Variants in FAM200B observed in about 807,000 individuals in gnomAD.
The protein encoded by FAM200B is protein FAM200B.
In FAM200B, 32 loss-of-function variants were observed where a neutral mutation model predicts 33.1. The ratio of observed to expected loss-of-function variants is 0.97; its 90% confidence interval spans 0.73 to 1.30. FAM200B has a LOEUF of 1.30. Ranked by LOEUF, FAM200B falls within the 50% of genes most tolerant of loss-of-function variation. The pLI is 0.00. For missense variants in FAM200B, 741 were observed against 754.0 expected, an observed-to-expected ratio of 0.98 and a Z score of 0.20; for synonymous variants, 240 against 264.8, an observed-to-expected ratio of 0.91 and a Z score of 0.91.
chr4:15,674,095 CA>C, the FAM200B span, among the ~76,000 whole-genome samples: 1 of 152,100 alleles, frequency 6.6e-6, no homozygotes, highest in African/African-American at 2.4e-5. Flanking sequence ...TGTTTTCCAA[CA>C]CTCTGAATCA....
In FAM200B at chr4:15,686,326, C is replaced by A. The variant is rs939493126; in HGVS notation, c.-652C>A. ...TAGCCATGGAAAACCTCATTGGCTC[C>A]TCACTGGATCAGACCATAAAAATGA... is the stretch of plus-strand genomic sequence containing the variant. On this transcript the variant is annotated 5_prime_UTR_variant, in exon 2 of 2. Transcript: ENST00000422728. The A allele has an allele frequency of 6.6e-6, 1 of 152,170 alleles. No homozygotes were observed. Among genetic ancestry groups the A allele is most frequent in the South Asian group, 2.1e-4 (1 of 4,828 alleles). The allele number at this position is 152,170 out of a possible 1,614,324, so 9.4% of individuals were successfully genotyped here.
chr4:15,646,610 T>C, the FAM200B span, among the ~76,000 whole-genome samples: 1 of 152,122 alleles, frequency 6.6e-6, no homozygotes, highest in Non-Finnish European at 1.5e-5. Context: ...GTTTGTTACA[T>C]ATGTATACAT....
At chr4:15,683,138 A>C (rs1414511685) in intron 1 of FAM200B, among the ~76,000 whole-genome samples, 2 of 152,238 alleles carry the variant, frequency 1.3e-5, no homozygotes, top group African/African-American at 2.4e-5. Flanking sequence ...CATTGCATTA[A>C]GCAAGTAAGA....
the FAM200B span, chr4:15,644,860 A>C: frequency 1.6e-6 from 1 of 626,190 alleles, no homozygotes; most frequent in South Asian, 2.2e-5. Context: ...TAAATTAACA[A>C]GTTATAATGG....
chr4:15,644,958 A>G, the FAM200B span, among the ~76,000 whole-genome samples: 1 of 152,230 alleles, frequency 6.6e-6, no homozygotes, highest in South Asian at 2.1e-4. Context: ...TGCACAAATC[A>G]CGGTTTCTTT....
chr4:15,654,588 T>G, the FAM200B span, among the ~76,000 whole-genome samples: 3 of 152,164 alleles, frequency 2.0e-5, no homozygotes, highest in African/African-American at 7.2e-5. Context: ...TAACGACACA[T>G]GAAGAGTGAA....
At chr4:15,659,808 G>T in the FAM200B span, 1 of 834,890 alleles carries the variant, frequency 1.2e-6, no homozygotes, top group Non-Finnish European at 1.4e-6. Context: ...ATTATGGGCT[G>T]ACTTGTAGGG....
At position 15,686,981 on chromosome 4, in the gene FAM200B, G is replaced by C. The variant is rs2302469; in HGVS notation, c.4G>C (p.Asp2His). Reference protein sequence around the residue: MDHFFIKRKRNS... With the variant: MHHFFIKRKRNS... ...ACTGGAACAAATTGCTATTAAAATG[G>C]ATCATTTCTTTATTAAAAGAAAGAG... The change falls in exon 2 of 2, where the codon GAT (aspartate) becomes CAT (histidine). Residue 2 changes from aspartate (D) to histidine (H), a missense_variant. By Grantham distance (81) the Asp-to-His change is moderately conservative (BLOSUM62 -1). Coordinates refer to ENST00000422728, the MANE Select transcript of FAM200B (RefSeq NM_001145191.2). 0.11 allele frequency: 153,524 copies of C among 1,364,036 alleles called. 9,369 individuals are homozygous for C. Among genetic ancestry groups the C allele is most frequent in the Non-Finnish European group, 0.12 (128,390 of 1,027,850 alleles). The allele number at this position is 1,364,036 out of a possible 1,614,324, so 84.5% of individuals were successfully genotyped here.
the FAM200B span, chr4:15,644,468 T>C: frequency 1.0e-4 from 163 of 1,573,694 alleles, no homozygotes; most frequent in Middle Eastern, 1.7e-4. Context: ...GTTTTGACAG[T>C]TGAATATCCA....
chr4:15,637,058 G>C, the FAM200B span, among the ~76,000 whole-genome samples: 3 of 152,176 alleles, frequency 2.0e-5, no homozygotes, highest in Non-Finnish European at 4.4e-5. Context: ...CAGATTATGA[G>C]ATCTCCAAGG....
upstream of FAM200B, chr4:15,681,658 G>T (rs1270690137): frequency 2.6e-5 from 4 of 152,446 alleles, no homozygotes; most frequent in Non-Finnish European, 4.4e-5. Context: ...ACTGCCGACA[G>T]AGCGTAGGGA....
the FAM200B span, among the ~76,000 whole-genome samples, chr4:15,645,805 C>G: frequency 9.9e-5 from 15 of 152,284 alleles, no homozygotes; most frequent in Admixed American, 4.6e-4. Flanking sequence ...GTTGTTAGTA[C>G]TCAATAAACA....
the FAM200B span, among the ~76,000 whole-genome samples, chr4:15,654,700 A>T: frequency 6.6e-6 from 1 of 152,234 alleles, no homozygotes; most frequent in Admixed American, 6.5e-5. Context: ...AGTTCCAGCC[A>T]GGAAGCCAGC....
chr4:15,670,734 G>A, the FAM200B span, among the ~76,000 whole-genome samples: 1 of 151,160 alleles, frequency 6.6e-6, no homozygotes, highest in African/African-American at 2.4e-5. Flanking sequence ...TTCTTAGCCT[G>A]CAGGCAGTAA....
At chr4:15,650,632 A>G in the FAM200B span, among the ~76,000 whole-genome samples, 1 of 149,392 alleles carries the variant, frequency 6.7e-6, no homozygotes, top group African/African-American at 2.5e-5. Context: ...GATATCTTCC[A>G]CATTTTAAAA....
At position 15,689,408 on chromosome 4, in the gene FAM200B, A is replaced by G. The variant is rs1371640242; in HGVS notation, c.*457A>G. ...TGAAGGGTTTAAGCGAAGGAGAGAAATGATCTGAGCTAGGTTTTAAAAGAC... is the reference window on the plus strand; with the variant it reads ...TGAAGGGTTTAAGCGAAGGAGAGAAGTGATCTGAGCTAGGTTTTAAAAGAC... On this transcript the variant is annotated 3_prime_UTR_variant, in exon 2 of 2. Transcript: ENST00000422728. 6.0e-6 allele frequency: 1 copy of G among 167,340 alleles called. No homozygotes were observed. The highest frequency in any genetic ancestry group is 2.4e-5 in the African/African-American group (1 of 41,458). The allele number at this position is 167,340 out of a possible 1,614,324, so 10.4% of individuals were successfully genotyped here. A position where few individuals can be genotyped will look rare whatever the true frequency, so the allele number is the denominator to read the frequency against.
the FAM200B span, among the ~76,000 whole-genome samples, chr4:15,653,899 T>C: frequency 6.6e-6 from 1 of 152,196 alleles, no homozygotes; most frequent in African/African-American, 2.4e-5. Context: ...GACCTAGACA[T>C]CAGGACTTCT....
the FAM200B span, among the ~76,000 whole-genome samples, chr4:15,662,048 A>C: frequency 6.6e-6 from 1 of 152,220 alleles, no homozygotes; most frequent in Non-Finnish European, 1.5e-5. Flanking sequence ...CAAACCCAAA[A>C]TAAGTCAGTC....
chr4:15,647,509 T>C, the FAM200B span, among the ~76,000 whole-genome samples: 1 of 152,204 alleles, frequency 6.6e-6, no homozygotes, highest in African/African-American at 2.4e-5. Flanking sequence ...TGTAATGCCC[T>C]AACATGAGTT....
Sources: gnomAD v4.1 joint callset for allele counts (sites outside exome capture counted in the v4.1 genomes callset) on GRCh38, gnomAD v4.1.1 for gene constraint, MANE v1.5 for transcripts, NCBI Gene and HGNC (gene_info 2026-07-23, HGNC 2026-07-21) for gene names.